Variants in ABCD3 observed in about 807,000 individuals in gnomAD.
The protein encoded by ABCD3 is ATP binding cassette subfamily D member 3, also known as ATP-binding cassette sub-family D member 3.
Under a neutral mutation model 105.5 loss-of-function variants are expected in ABCD3, and 41 were observed. The observed-to-expected ratio is 0.39, with a 90% CI of 0.30 to 0.50. The LOEUF (loss-of-function observed/expected upper bound fraction) is 0.50, where lower values mean the gene tolerates loss of function less well. Among genes scored for constraint, ABCD3 ranks in the 20% least tolerant of loss-of-function variants. ABCD3 has a pLI of 0.84. For synonymous variants in ABCD3, 258 were observed against 269.0 expected, an observed-to-expected ratio of 0.96 and a Z score of 0.40; for missense variants, 622 against 806.3, an observed-to-expected ratio of 0.77 and a Z score of 2.77.
At chr1:94,386,387 A>G in the ABCD3 span, among the ~76,000 whole-genome samples, 1 of 152,262 alleles carries the variant, frequency 6.6e-6, no homozygotes, top group Non-Finnish European at 1.5e-5. Context: ...TTTTCAAAGC[A>G]AGTGTCAAAT....
chr1:94,423,970 A>G (rs1372111652), intron 1 of ABCD3, among the ~76,000 whole-genome samples: 2 of 152,230 alleles, frequency 1.3e-5, no homozygotes, highest in African/African-American at 2.4e-5. Context: ...AAGTGCAAGC[A>G]TGAATCATGT....
upstream of ABCD3, among the ~76,000 whole-genome samples, chr1:94,414,343 T>C (rs1287056371): frequency 6.6e-6 from 1 of 152,224 alleles, no homozygotes; most frequent in Admixed American, 6.5e-5. Flanking sequence ...AAAAATTTTC[T>C]TCCTATGAAT....
intron 1 of ABCD3, among the ~76,000 whole-genome samples, chr1:94,451,738 T>A (rs920028286): frequency 1.3e-5 from 2 of 152,222 alleles, no homozygotes; most frequent in African/African-American, 4.8e-5. Context: ...TCTGAATGCT[T>A]GTTTTACTGT....
chr1:94,498,403 G>A (rs1289055515), intron 16 of ABCD3, among the ~76,000 whole-genome samples, 199 bp from the exon 17 acceptor site: 2 of 151,846 alleles, frequency 1.3e-5, no homozygotes, highest in Non-Finnish European at 2.9e-5. Flanking sequence ...AAAAAGTAAT[G>A]GTAAAAATTG....
At position 94,464,857 on chromosome 1, in the gene ABCD3, G is replaced by T; in HGVS notation, c.230G>T (p.Arg77Ile). The change falls in exon 3 of 23, where the codon AGA (arginine) becomes ATA (isoleucine). Residue 77 changes from arginine (R) to isoleucine (I), a missense_variant. Physicochemically the swap from Arg to Ile is moderately conservative, Grantham distance 97 (BLOSUM62 -3). This residue lies in a region of ABCD3 where 245 missense variants were observed against 356.4 expected (regional missense o/e 0.69). Coordinates refer to ENST00000370214, the MANE Select transcript of ABCD3 (RefSeq NM_002858.4). Reference sequence around the variant, plus strand: ...CAGATTCTGAAAATCATGGTCCCTAGAACATTTTGTAAAGAGGTAAGTCTT... The same window carrying T: ...CAGATTCTGAAAATCATGGTCCCTATAACATTTTGTAAAGAGGTAAGTCTT... ...LIQILKIMVP[R>I]TFCKETGYLV... 1 of 1,613,568 alleles carries T rather than the reference G, an allele frequency of 6.2e-7. No individual in the cohort carries two copies. Among genetic ancestry groups the T allele is most frequent in the African/African-American group, 1.3e-5 (1 of 74,958 alleles).
intron 1 of ABCD3, among the ~76,000 whole-genome samples, chr1:94,419,106 A>ATTG (rs1047379305): frequency 1.3e-5 from 2 of 152,198 alleles, no homozygotes; most frequent in Non-Finnish European, 2.9e-5. Context: ...ACTAACTGCT[A>ATTG]TTGAAAGTCG....
chr1:94,404,554 A>G, the ABCD3 span, among the ~76,000 whole-genome samples: 3 of 152,006 alleles, frequency 2.0e-5, no homozygotes, highest in Admixed American at 2.0e-4. Flanking sequence ...TCATTTCTGA[A>G]TATGTAGAAT....
At chr1:94,389,286 T>C in the ABCD3 span, among the ~76,000 whole-genome samples, 1 of 152,190 alleles carries the variant, frequency 6.6e-6, no homozygotes, top group Non-Finnish European at 1.5e-5. Context: ...GGCCATAAAC[T>C]GGCCCCAAAA....
rs1480388945 is a variant in ABCD3, at chr1:94,498,791, T to C, written c.1473T>C (p.Pro491=). ...TTCTCTCTCTTTAATAGTTATGGCC[T>C]CTTTTTGGAGGACGTCTAACTAAAC... ...SLFRVLGELW[P]LFGGRLTKPE... The change falls in exon 18 of 23, where the codon CCT becomes CCC. Residue 491 remains proline (P), a synonymous_variant. Transcript: ENST00000370214. The C allele has an allele frequency of 6.8e-6, 11 of 1,613,808 alleles. No individual in the cohort carries two copies. The highest frequency in any genetic ancestry group is 9.3e-6 in the Non-Finnish European group (11 of 1,179,892).
At chr1:94,474,093 A>AT (rs4148071) in intron 5 of ABCD3, among the ~76,000 whole-genome samples, 18 of 142,524 alleles carry the variant, frequency 1.3e-4, no homozygotes, top group East Asian at 1.2e-3. Context: ...GTTTTTTGGC[A>AT]TTTTTTTTTT....
intron 5 of ABCD3, 51 bp downstream of exon 5, chr1:94,473,886 T>G: frequency 1.4e-6 from 2 of 1,401,202 alleles, no homozygotes; most frequent in Non-Finnish European, 2.0e-6. Context: ...TTGCATCTTA[T>G]TAAAATCTTT....
intron 1 of ABCD3, among the ~76,000 whole-genome samples, chr1:94,433,906 C>T (rs1659793440): frequency 6.6e-6 from 1 of 152,030 alleles, no homozygotes; most frequent in South Asian, 2.1e-4. Flanking sequence ...ACTTTGGCCT[C>T]CCAAAGTGCT....
chr1:94,489,800 C>T lies in ABCD3; in HGVS notation c.1233C>T (p.Val411=), dbSNP rs1649443939. Reference sequence around the variant, plus strand: ...ATGGCAAATATGAGCGCACAATGGTCTCACAACAGGAAAAGGGTAAATATG... The same window carrying T: ...ATGGCAAATATGAGCGCACAATGGTTTCACAACAGGAAAAGGGTAAATATG... ...LNHGKYERTM[V]SQQEKGIEGV... The change falls in exon 14 of 23, where the codon GTC becomes GTT. Residue 411 remains valine (V), a synonymous_variant. Transcript: ENST00000370214. 2 of 1,613,138 alleles carry T rather than the reference C, an allele frequency of 1.2e-6. No individual in the cohort carries two copies. The highest frequency in any genetic ancestry group is 1.7e-6 in the Non-Finnish European group (2 of 1,179,404).
At chr1:94,504,210 C>T (rs1275765053) in intron 20 of ABCD3, among the ~76,000 whole-genome samples, 2 of 151,804 alleles carry the variant, frequency 1.3e-5, no homozygotes, top group Non-Finnish European at 2.9e-5. Flanking sequence ...TGCGCCCGGC[C>T]AGGTACAAGC....
intron 1 of ABCD3, among the ~76,000 whole-genome samples, chr1:94,439,986 A>T (rs1033668900): frequency 6.6e-6 from 1 of 152,186 alleles, no homozygotes; most frequent in Admixed American, 6.5e-5. Context: ...CTCTAGCCTC[A>T]GCCTCCCAAG....
intron 15 of ABCD3, among the ~76,000 whole-genome samples, 155 bp downstream of exon 15, chr1:94,490,130 T>A (rs1649463636): frequency 6.6e-6 from 1 of 152,036 alleles, no homozygotes; most frequent in Non-Finnish European, 1.5e-5. Context: ...TTGTGTATAT[T>A]AATATTTAAA....
rs140671597 is a variant in ABCD3, at chr1:94,457,292, G to A, written c.111-1315G>A. ...TATAAATAATCATATTTAAAATATCGTATAATACAACTGAAATTAGAAATA... is the reference window on the plus strand; with the variant it reads ...TATAAATAATCATATTTAAAATATCATATAATACAACTGAAATTAGAAATA... On this transcript the variant is annotated intron_variant, in intron 1 of 22. Transcript: ENST00000370214. 1.9e-4 allele frequency among the ~76,000 whole-genome samples: 29 copies of A among 152,110 alleles called. 1 individual carries two copies. In the East Asian group the frequency reaches 2.1e-3, roughly 11 times the overall value.
At chr1:94,429,822 C>G (rs1367042375) in intron 1 of ABCD3, among the ~76,000 whole-genome samples, 1 of 152,242 alleles carries the variant, frequency 6.6e-6, no homozygotes, top group African/African-American at 2.4e-5. Flanking sequence ...TTGGAGCCCC[C>G]ACACAGAATC....
intron 1 of ABCD3, among the ~76,000 whole-genome samples, chr1:94,426,301 T>C (rs1659466698): frequency 6.6e-6 from 1 of 152,208 alleles, no homozygotes; most frequent in Non-Finnish European, 1.5e-5. Flanking sequence ...CAGTCTTTAT[T>C]TCTCCACCTT....
Sources: allele counts gnomAD v4.1 joint callset (sites outside exome capture counted in the v4.1 genomes callset), GRCh38; gene constraint gnomAD v4.1.1; regional missense constraint gnomAD v4.1.1; transcripts MANE v1.5; gene names NCBI Gene and HGNC (gene_info 2026-07-23, HGNC 2026-07-21).